Variants in GLIS3 observed in about 807,000 individuals in gnomAD.
GLIS3 encodes zinc finger protein GLIS3.
Under a neutral mutation model 78.6 loss-of-function variants are expected in GLIS3, and 53 were observed. The ratio of observed to expected loss-of-function variants is 0.67; its 90% CI spans 0.54 to 0.85. The LOEUF is 0.85. Among genes scored for constraint, GLIS3 ranks in the 40% least tolerant of loss-of-function variants. GLIS3 has a pLI of 0.00. For missense variants in GLIS3, 1,703 were observed against 1,231.1 expected (o/e 1.38, Z -5.74); for synonymous variants, 684 against 509.9 (o/e 1.34, Z -4.60).
At chr9:4,251,707 C>A (rs2129874029) in intron 2 of GLIS3, among the ~76,000 whole-genome samples, 1 of 152,222 alleles carries the variant, frequency 6.6e-6, no homozygotes, top group South Asian at 2.1e-4. Flanking sequence ...TGTCGATGGT[C>A]TTTACAATTT....
intron 6 of GLIS3, among the ~76,000 whole-genome samples, chr9:3,918,102 A>G (rs1379237759): frequency 6.6e-6 from 1 of 152,236 alleles, no homozygotes; most frequent in African/African-American, 2.4e-5. Flanking sequence ...GGCTAAATGC[A>G]GACTGGCAAG....
chr9:4,453,449 T>G, the GLIS3 span, among the ~76,000 whole-genome samples: 1 of 150,024 alleles, frequency 6.7e-6, no homozygotes, highest in Non-Finnish European at 1.5e-5. Context: ...AGGGCTAATA[T>G]CCAGAATCTA....
chr9:4,304,985 T>A (rs1421471634), upstream of GLIS3, among the ~76,000 whole-genome samples: 5 of 151,930 alleles, frequency 3.3e-5, no homozygotes, highest in Admixed American at 1.3e-4. Flanking sequence ...CGGGTAAGAG[T>A]GTTGACTTCC....
At chr9:4,345,549 G>A (rs553458542) in intron 2 of GLIS3, among the ~76,000 whole-genome samples, 3 of 152,146 alleles carry the variant, frequency 2.0e-5, no homozygotes, top group South Asian at 4.1e-4. Flanking sequence ...CCCCAACTGG[G>A]ATTTTGGCCT....
At chr9:4,239,022 A>C (rs1014242681) in intron 2 of GLIS3, among the ~76,000 whole-genome samples, 2 of 151,840 alleles carry the variant, frequency 1.3e-5, no homozygotes, top group South Asian at 4.2e-4. Flanking sequence ...TGAACTCATC[A>C]TTTTTTATGG....
At chr9:4,309,295 A>AT (rs1817302733) in intron 3 of GLIS3, among the ~76,000 whole-genome samples, 1 of 152,244 alleles carries the variant, frequency 6.6e-6, no homozygotes. Context: ...ATAATTCAAA[A>AT]ATATATATAA....
rs148887368 is a variant in GLIS3 at position 4,282,459 on chromosome 9, G to A, written c.388+3579C>T. Among the ~76,000 whole-genome samples, 27 of 152,226 alleles carry A rather than the reference G, an allele frequency of 1.8e-4. No homozygotes were observed. In the East Asian group the frequency reaches 2.9e-3, roughly 16 times the overall value. ...TAGAACAAGGTTGACCCTCGCCCCC[G>A]ACAAGAGAAAATTCTTCCTGCCTGA... On this transcript the variant is annotated intron_variant, in intron 2 of 10. Coordinates refer to ENST00000381971, the MANE Select transcript of GLIS3 (RefSeq NM_001042413.2).
chr9:3,882,489 C>G (rs140329416), intron 7 of GLIS3, among the ~76,000 whole-genome samples: 1 of 12,790 alleles, frequency 7.8e-5, no homozygotes, highest in Non-Finnish European at 2.2e-4. Flanking sequence ...CATTAGCTGG[C>G]TGCATTAGCA....
In GLIS3 at chr9:4,117,940, T is replaced by C. The variant is rs960564179; in HGVS notation, c.1538A>G (p.Gln513Arg). 1.1e-5 allele frequency: 18 copies of C among 1,614,132 alleles called. No individual in the cohort carries two copies. The highest frequency in any genetic ancestry group is 1.4e-5 in the Non-Finnish European group (17 of 1,180,032). Reference sequence around the variant, plus strand: ...GATGTGCCGCACGAGCTCCTCCTGCTGGTCGTACAGGGCGCTGCAGTCGAT... The same window carrying C: ...GATGTGCCGCACGAGCTCCTCCTGCCGGTCGTACAGGGCGCTGCAGTCGAT... ...RWIDCSALYD[Q>R]QEELVRHIEK... Residue 513 changes from glutamine to arginine, a missense_variant, in exon 4 of 11, where the codon CAG becomes CGG. Gln to Arg is a conservative substitution (Grantham distance 43). Coordinates refer to ENST00000381971, the MANE Select transcript of GLIS3 (RefSeq NM_001042413.2).
At chr9:4,403,111 G>C in the GLIS3 span, among the ~76,000 whole-genome samples, 2 of 152,162 alleles carry the variant, frequency 1.3e-5, no homozygotes, top group Non-Finnish European at 2.9e-5. Flanking sequence ...AGTCCAACAT[G>C]TCTGGCAGCA....
At chr9:4,059,798 CTTTA>C (rs1321184988) in intron 4 of GLIS3, among the ~76,000 whole-genome samples, 4 of 59,650 alleles carry the variant, frequency 6.7e-5, no homozygotes, top group Non-Finnish European at 1.9e-4. Flanking sequence ...ACTTACTCAG[CTTTA>C]TTTGTGTGTG....
intron 2 of GLIS3, chr9:4,147,676 G>C (rs1834334783): frequency 6.6e-6 from 1 of 152,188 alleles, no homozygotes; most frequent in Non-Finnish European, 1.5e-5. Flanking sequence ...CCTTCAAGGG[G>C]AACTGCTGGT....
intron 4 of GLIS3, among the ~76,000 whole-genome samples, chr9:3,987,174 A>C (rs558612570): frequency 6.6e-6 from 1 of 152,296 alleles, no homozygotes; most frequent in Non-Finnish European, 1.5e-5. Context: ...AATAATAGTA[A>C]TACAGATTTT....
intron 8 of GLIS3, among the ~76,000 whole-genome samples, chr9:3,859,329 T>A (rs1820004733): frequency 1.3e-5 from 2 of 148,618 alleles, no homozygotes; most frequent in African/African-American, 4.9e-5. Flanking sequence ...CTGCACCTAC[T>A]TTCCAACCCT....
chr9:4,253,442 G>C (rs1333573822), intron 2 of GLIS3, among the ~76,000 whole-genome samples: 1 of 152,210 alleles, frequency 6.6e-6, no homozygotes, highest in Non-Finnish European at 1.5e-5. Context: ...TTCAGTAATG[G>C]TGGATGACGC....
At chr9:4,189,947 C>G (rs182502091) in intron 2 of GLIS3, among the ~76,000 whole-genome samples, 1 of 152,084 alleles carries the variant, frequency 6.6e-6, no homozygotes, top group African/African-American at 2.4e-5. Flanking sequence ...CTCTAGCAAA[C>G]TCCAAGAGAC....
the GLIS3 span, among the ~76,000 whole-genome samples, chr9:4,419,737 G>A: frequency 4.5e-4 from 68 of 152,124 alleles, 1 homozygote; most frequent in African/African-American, 1.6e-3. Flanking sequence ...CCGAGATCAC[G>A]CCACTGCACT....
chr9:4,176,787 C>T (rs1234358114), intron 2 of GLIS3, among the ~76,000 whole-genome samples: 2 of 152,190 alleles, frequency 1.3e-5, no homozygotes, highest in Non-Finnish European at 2.9e-5. Context: ...CCACGCCCAG[C>T]TCATTTTTGT....
chr9:4,103,195 T>C (rs1398894860), intron 4 of GLIS3, among the ~76,000 whole-genome samples: 1 of 152,194 alleles, frequency 6.6e-6, no homozygotes, highest in Non-Finnish European at 1.5e-5. Flanking sequence ...ATTTAGCTGT[T>C]TCTACAGTAA....
Sources: allele counts gnomAD v4.1 joint callset (sites outside exome capture counted in the v4.1 genomes callset), GRCh38; gene constraint gnomAD v4.1.1; transcripts MANE v1.5; gene names NCBI Gene and HGNC (gene_info 2026-07-23, HGNC 2026-07-21).